Variants in CBFB observed in about 807,000 individuals in gnomAD.
The protein encoded by CBFB is core-binding factor subunit beta, also known as CBF-beta.
A neutral mutation model predicts 30.4 loss-of-function variants in CBFB; 9 were observed. That is an observed-to-expected ratio of 0.30 (90% CI 0.18 to 0.52). The LOEUF is 0.52. Ranked by LOEUF, CBFB falls within the 20% of genes least tolerant of loss-of-function variation. The probability of loss-of-function intolerance (pLI) is 0.97; values close to 1 mark genes in which losing one functional copy is unlikely to be tolerated. For missense variants in CBFB, 170 were observed against 244.0 expected (o/e 0.70, Z 2.02); for synonymous variants, 94 against 84.0 (o/e 1.12, Z -0.65).
chr16:67,071,048 AG>A (rs1173058406), intron 4 of CBFB, among the ~76,000 whole-genome samples: 1 of 152,132 alleles, frequency 6.6e-6, no homozygotes, highest in Admixed American at 6.5e-5. Flanking sequence ...TACCGATAAT[AG>A]GAGTTATACA....
At chr16:67,056,777 G>A (rs1298363631) in intron 3 of CBFB, among the ~76,000 whole-genome samples, 1 of 152,034 alleles carries the variant, frequency 6.6e-6, no homozygotes, top group East Asian at 1.9e-4. Flanking sequence ...GGCTTCCCGG[G>A]TTCAAGCAGG....
At chr16:67,082,512 C>T (rs1443073246) in intron 5 of CBFB, among the ~76,000 whole-genome samples, 1 of 152,066 alleles carries the variant, frequency 6.6e-6, no homozygotes. Context: ...TACATCAATT[C>T]CTCATTCATT....
chr16:67,052,403 T>C (rs567527018), intron 3 of CBFB, among the ~76,000 whole-genome samples: 2 of 151,664 alleles, frequency 1.3e-5, no homozygotes, highest in South Asian at 2.1e-4. Flanking sequence ...GACCCCATCC[T>C]TAAAAAATAA....
chr16:67,087,775 C>G (rs1961770454), intron 5 of CBFB, among the ~76,000 whole-genome samples: 1 of 152,104 alleles, frequency 6.6e-6, no homozygotes, highest in African/African-American at 2.4e-5. Flanking sequence ...AGTTGAGATT[C>G]CTGCTCCGTC....
At chr16:67,081,013 C>T (rs1026015587) in intron 4 of CBFB, among the ~76,000 whole-genome samples, 11 of 151,958 alleles carry the variant, frequency 7.2e-5, no homozygotes, top group Non-Finnish European at 1.5e-4. Context: ...TTTTAGGGTA[C>T]GTGTACACAA....
At chr16:67,087,338 T>C (rs1292054641) in intron 5 of CBFB, among the ~76,000 whole-genome samples, 1 of 152,182 alleles carries the variant, frequency 6.6e-6, no homozygotes, top group East Asian at 1.9e-4. Flanking sequence ...GGAGGATTGC[T>C]TGAGCCCAGG....
At chr16:67,031,820 G>GTT (rs568596188) in intron 2 of CBFB, among the ~76,000 whole-genome samples, 1 of 144,504 alleles carries the variant, frequency 6.9e-6, no homozygotes, top group African/African-American at 2.5e-5. Flanking sequence ...GTCTTGTTTC[G>GTT]TTTTTTTTTT....
At chr16:67,066,302 C>G (rs762096042) in intron 3 of CBFB, among the ~76,000 whole-genome samples, 1 of 150,494 alleles carries the variant, frequency 6.6e-6, no homozygotes, top group Non-Finnish European at 1.5e-5. Flanking sequence ...AATCCTAGCA[C>G]TTTTGGAGGC....
intron 4 of CBFB, among the ~76,000 whole-genome samples, chr16:67,077,691 G>A (rs2145765106): frequency 6.6e-6 from 1 of 152,230 alleles, no homozygotes; most frequent in Middle Eastern, 3.4e-3. Flanking sequence ...TTTTAATTAA[G>A]CATGAACTTC....
At chr16:67,034,376 A>G (rs957725672) in intron 2 of CBFB, among the ~76,000 whole-genome samples, 1 of 152,232 alleles carries the variant, frequency 6.6e-6, no homozygotes, top group Non-Finnish European at 1.5e-5. Context: ...TAGGCGTCAT[A>G]CTAGTGTAGC....
chr16:67,029,984 T>G, intron 2 of CBFB, 171 bp downstream of exon 2: 1 of 478,620 alleles, frequency 2.1e-6, no homozygotes, highest in East Asian at 3.8e-5. Flanking sequence ...GGGCCGGTAC[T>G]CGCGGGGAGA....
At chr16:67,092,121 C>T (rs917966461) in intron 5 of CBFB, among the ~76,000 whole-genome samples, 1 of 151,968 alleles carries the variant, frequency 6.6e-6, no homozygotes, top group African/African-American at 2.4e-5. Flanking sequence ...GTGATGTTCC[C>T]CTCCCTGTGT....
chr16:67,037,566 C>T (rs150239993), intron 3 of CBFB, among the ~76,000 whole-genome samples: 6 of 150,638 alleles, frequency 4.0e-5, no homozygotes, highest in African/African-American at 7.3e-5. Context: ...CTTACAGTTT[C>T]GATGTTAGAA....
At chr16:67,048,347 G>A (rs1438575927) in intron 3 of CBFB, among the ~76,000 whole-genome samples, 2 of 152,058 alleles carry the variant, frequency 1.3e-5, no homozygotes, top group African/African-American at 4.8e-5. Context: ...TGAAAACATT[G>A]GATATGAAGA....
intron 4 of CBFB, among the ~76,000 whole-genome samples, chr16:67,075,556 G>A (rs1157300758): frequency 6.6e-6 from 1 of 152,120 alleles, no homozygotes; most frequent in Admixed American, 6.6e-5. Flanking sequence ...GCATATATGT[G>A]TGTGTGTGTG....
In CBFB at chr16:67,029,529, G is replaced by A. The variant is rs372228048; in HGVS notation, c.78+44G>A. 516 of 1,543,510 alleles carry A rather than the reference G, an allele frequency of 3.3e-4. 3 individuals carry two copies. The African/African-American group carries it at 6.1e-3, about 18-fold the overall frequency. ...CGGCTAGGAGGCCGCAGCGCGCCCC[G>A]AGTGGGCCCGGGCGGAGAAAAGTTT... On this transcript the variant is annotated intron_variant, in intron 1 of 5. Transcript: ENST00000412916.
intron 5 of CBFB, among the ~76,000 whole-genome samples, chr16:67,082,732 T>C (rs193088168): frequency 6.6e-6 from 1 of 152,274 alleles, no homozygotes; most frequent in Non-Finnish European, 1.5e-5. Context: ...TAACTATAAT[T>C]GTCAGTCATT....
At position 67,044,864 on chromosome 16, in the gene CBFB, C is replaced by T. The variant is rs181702779; in HGVS notation, c.282+8109C>T. 3.3e-5 allele frequency among the ~76,000 whole-genome samples: 5 copies of T among 152,242 alleles called. No individual in the cohort carries two copies. In the South Asian group the frequency reaches 6.2e-4, roughly 19 times the overall value. On this transcript the variant is annotated intron_variant, in intron 3 of 5. Coordinates refer to ENST00000412916, the MANE Select transcript of CBFB (RefSeq NM_022845.3). ...CCCAGTCATTCCAAATAAAAGATCT[C>T]TATGGTAAAGCTTTGGAGTGTGATT... is the stretch of plus-strand genomic sequence containing the variant.
At chr16:67,074,497 C>G (rs913373217) in intron 4 of CBFB, among the ~76,000 whole-genome samples, 2 of 151,756 alleles carry the variant, frequency 1.3e-5, no homozygotes, top group African/African-American at 2.4e-5. Context: ...ATTCTCCTGC[C>G]TCAGCCTCCC....
Sources: allele counts gnomAD v4.1 joint callset (sites outside exome capture counted in the v4.1 genomes callset), GRCh38; gene constraint gnomAD v4.1.1; transcripts MANE v1.5; gene names NCBI Gene and HGNC (gene_info 2026-07-23, HGNC 2026-07-21).